Variants in WAPL observed in about 807,000 individuals in gnomAD.
WAPL encodes the protein wings apart-like protein homolog.
In WAPL, 5 loss-of-function variants were observed where a neutral mutation model predicts 121.0. The observed-to-expected ratio is 0.04, with a 90% CI of 0.02 to 0.09. WAPL has a LOEUF of 0.09. WAPL is among the 10% of genes least tolerant of loss of function. The pLI, the probability that WAPL is intolerant of heterozygous loss-of-function variation, is 1.00. For missense variants in WAPL, 999 were observed against 1,410.8 expected, an observed-to-expected ratio of 0.71 and a Z score of 4.68; for synonymous variants, 480 against 481.5, an observed-to-expected ratio of 1.00 and a Z score of 0.04.
intron 4 of WAPL, among the ~76,000 whole-genome samples, chr10:86,487,383 C>G (rs560428008): frequency 1.3e-5 from 2 of 152,154 alleles, no homozygotes; most frequent in East Asian, 3.8e-4. Context: ...GTAGTTAAAT[C>G]CAGGTATGTT....
At chr10:86,478,696 G>A (rs1841715312) in intron 4 of WAPL, among the ~76,000 whole-genome samples, 1 of 152,154 alleles carries the variant, frequency 6.6e-6, no homozygotes. Context: ...ATTTCTTCAT[G>A]AGAGATAATA....
intron 14 of WAPL, among the ~76,000 whole-genome samples, chr10:86,452,883 T>C (rs915161358): frequency 2.0e-5 from 3 of 150,670 alleles, no homozygotes; most frequent in Non-Finnish European, 4.4e-5. Flanking sequence ...CTACTAAAAA[T>C]ACAAAAATTA....
At chr10:86,437,678 A>C in intron 18 of WAPL, 70 bp from the exon 19 acceptor site, 2 of 1,512,426 alleles carry the variant, frequency 1.3e-6, no homozygotes, top group Non-Finnish European at 1.8e-6. Context: ...TATAAATAAA[A>C]GTTTACCTCT....
chr10:86,483,154 C>T lies in WAPL; in HGVS notation c.1645-9181G>A, dbSNP rs375315493. Among the ~76,000 whole-genome samples the T allele has an allele frequency of 2.0e-5, 3 of 152,246 alleles. No homozygotes were observed. The East Asian group carries it at 5.8e-4, about 29-fold the overall frequency. ...AGTACATACATGCCAGGTGCGGTGG[C>T]TCACGCCTGTAATCCTAGCATTTTG... On this transcript the variant is annotated intron_variant, in intron 4 of 18. Transcript: ENST00000298767.
intron 2 of WAPL, among the ~76,000 whole-genome samples, chr10:86,514,013 C>A (rs1270520637): frequency 6.6e-6 from 1 of 152,178 alleles, no homozygotes; most frequent in East Asian, 1.9e-4. Context: ...CTTTATCATT[C>A]TCAGAAGGGT....
intron 12 of WAPL, 117 bp from the exon 13 acceptor site, chr10:86,453,948 C>G (rs7922726): frequency 0.1 from 98,172 of 958,106 alleles, 5,414 homozygotes; most frequent in African/African-American, 0.16. Context: ...TTGGAAAAAT[C>G]TGATACCTTA....
intron 4 of WAPL, among the ~76,000 whole-genome samples, chr10:86,478,238 G>C (rs1203748154): frequency 6.6e-6 from 1 of 152,006 alleles, no homozygotes; most frequent in African/African-American, 2.4e-5. Flanking sequence ...GAGACAGCCT[G>C]TGCAACACGG....
At chr10:86,498,232 C>T (rs749597707) in intron 3 of WAPL, among the ~76,000 whole-genome samples, 14 of 152,164 alleles carry the variant, frequency 9.2e-5, no homozygotes, top group Non-Finnish European at 1.3e-4. Flanking sequence ...AAGTAAACTA[C>T]AGCAGGACAA....
At chr10:86,473,311 T>C (rs1841576338) in intron 5 of WAPL, among the ~76,000 whole-genome samples, 1 of 152,182 alleles carries the variant, frequency 6.6e-6, no homozygotes, top group South Asian at 2.1e-4. Context: ...ATCCCCAAAT[T>C]TCTTATTGTT....
At chr10:86,439,472 C>T (rs1048623228) in intron 17 of WAPL, among the ~76,000 whole-genome samples, 9 of 152,128 alleles carry the variant, frequency 5.9e-5, no homozygotes, top group African/African-American at 2.2e-4. Flanking sequence ...CAAATCAAAC[C>T]CTTCTCTATC....
intron 4 of WAPL, among the ~76,000 whole-genome samples, chr10:86,483,793 T>C (rs1226635313): frequency 3.6e-5 from 4 of 109,906 alleles, no homozygotes; most frequent in East Asian, 2.7e-4. Context: ...AATTTTTTTT[T>C]CTTTTTTTTT....
Position 86,453,730 on chromosome 10 carries a change from T to C in WAPL, c.2759A>G (p.Asn920Ser). The change falls in exon 13 of 19, where the codon AAC (asparagine) becomes AGC (serine). Residue 920 changes from asparagine (N) to serine (S), a missense_variant. Asn to Ser is a conservative substitution (Grantham distance 46). Transcript: ENST00000298767. ...SKPLPHQNVT[N>S]HVGKAVEDCM... is the part of the protein sequence containing the mutation. ...GTCCTCCACTGCTTTGCCTACATGG[T>C]TAGTTACATTCTGGTGAGGCAGAGG... is the stretch of plus-strand genomic sequence containing the variant. 6.2e-7 allele frequency: 1 copy of C among 1,614,148 alleles called. No homozygotes were observed.
intron 2 of WAPL, among the ~76,000 whole-genome samples, chr10:86,506,208 C>G (rs754903172): frequency 6.6e-6 from 1 of 152,168 alleles, no homozygotes; most frequent in Non-Finnish European, 1.5e-5. Context: ...GTACTCCAGT[C>G]TGGGCAACAG....
chr10:86,500,244 G>C lies in WAPL; in HGVS notation c.999C>G (p.Gly333=). 1 of 1,614,126 alleles carries C rather than the reference G, an allele frequency of 6.2e-7. No individual in the cohort carries two copies. The highest frequency in any genetic ancestry group is 1.3e-5 in the African/African-American group (1 of 75,032). The change falls in exon 3 of 19, where the codon GGC becomes GGG. Residue 333 remains glycine, a synonymous_variant. Coordinates refer to ENST00000298767, the MANE Select transcript of WAPL (RefSeq NM_015045.5). ...CACCCCCTTTCTTTGCCTGATTCAG[G>C]CCATCTTTACTCGATTCACTGTTTG... ...AKANSESSKD[G]LNQAKKGGVS... is the part of the protein sequence containing the mutation.
chr10:86,479,727 AC>A, intron 4 of WAPL, among the ~76,000 whole-genome samples: 1 of 152,372 alleles, frequency 6.6e-6, no homozygotes, highest in East Asian at 1.9e-4. Context: ...AGCACGAAGT[AC>A]AACTAAATGA....
chr10:86,510,343 A>C (rs946076721), intron 2 of WAPL, among the ~76,000 whole-genome samples: 1 of 152,096 alleles, frequency 6.6e-6, no homozygotes. Context: ...AAGTGTTGGG[A>C]TTACAGGTGT....
intron 14 of WAPL, 122 bp from the exon 15 acceptor site, chr10:86,452,253 T>A (rs1841000317): frequency 2.8e-5 from 24 of 857,120 alleles, no homozygotes; most frequent in South Asian, 9.4e-5. Context: ...ACCTACAAAA[T>A]GGCTAAAAAC....
chr10:86,489,312 C>T (rs182722948), intron 4 of WAPL, among the ~76,000 whole-genome samples: 2 of 152,264 alleles, frequency 1.3e-5, no homozygotes, highest in Admixed American at 1.3e-4. Flanking sequence ...AAGAACATTA[C>T]TGGGACAAAT....
At chr10:86,446,996 T>TA (rs1849638527) in intron 15 of WAPL, among the ~76,000 whole-genome samples, 1 of 152,152 alleles carries the variant, frequency 6.6e-6, no homozygotes, top group Non-Finnish European at 1.5e-5. Flanking sequence ...AAATAAAAAT[T>TA]AAACTTTATA....
Sources: gnomAD v4.1 joint callset for allele counts (sites outside exome capture counted in the v4.1 genomes callset) on GRCh38, gnomAD v4.1.1 for gene constraint, MANE v1.5 for transcripts, NCBI Gene and HGNC (gene_info 2026-07-23, HGNC 2026-07-21) for gene names.